The following TGFBRAP1 variants were observed in gnomAD, a reference collection of about 807,000 sequenced individuals.
TGFBRAP1 encodes transforming growth factor beta receptor associated protein 1.
TGFBRAP1 carries 20 observed loss-of-function variants against 83.2 expected under a neutral mutation model. The observed-to-expected ratio is 0.24, with a 90% confidence interval of 0.17 to 0.35. The LOEUF (loss-of-function observed/expected upper bound fraction) is 0.35, where lower values mean the gene tolerates loss of function less well. Ranked by LOEUF, TGFBRAP1 falls within the 10% of genes least tolerant of loss-of-function variation. The pLI, the probability that TGFBRAP1 is intolerant of heterozygous loss-of-function variation, is 1.00. For missense variants in TGFBRAP1, 950 were observed against 1,099.4 expected (o/e 0.86, Z 1.92); for synonymous variants, 415 against 459.8 (o/e 0.90, Z 1.25).
At chr2:105,318,534 A>G (rs1288036485) in intron 1 of TGFBRAP1, among the ~76,000 whole-genome samples, 3 of 152,250 alleles carry the variant, frequency 2.0e-5, no homozygotes, top group Non-Finnish European at 4.4e-5. Context: ...AAATAGAGAA[A>G]GAATCTGTTT....
the TGFBRAP1 span, among the ~76,000 whole-genome samples, chr2:105,255,236 A>G: frequency 6.6e-6 from 1 of 152,040 alleles, no homozygotes; most frequent in Non-Finnish European, 1.5e-5. Context: ...GCCCTTGCTG[A>G]CCCTAGAGGA....
At chr2:105,314,738 C>T (rs893061011) in intron 1 of TGFBRAP1, among the ~76,000 whole-genome samples, 3 of 151,678 alleles carry the variant, frequency 2.0e-5, no homozygotes, top group African/African-American at 7.3e-5. Context: ...CACCTGAGGT[C>T]AGGAGTTCGA....
intron 7 of TGFBRAP1, among the ~76,000 whole-genome samples, 172 bp from the exon 8 acceptor site, chr2:105,275,875 TAAAG>T (rs920716425): frequency 1.1e-3 from 170 of 151,814 alleles, no homozygotes; most frequent in African/African-American, 4.0e-3. Context: ...TTTGGAGAAA[TAAAG>T]AAATGTAAAA....
chr2:105,275,794 G>T, intron 7 of TGFBRAP1, 91 bp from the exon 8 acceptor site: 1 of 1,360,544 alleles, frequency 7.3e-7, no homozygotes, highest in Non-Finnish European at 9.8e-7. Flanking sequence ...AATGGCATAT[G>T]TTTACTTATT....
In TGFBRAP1 at chr2:105,267,433, C is replaced by T. The variant is rs139792932; in HGVS notation, c.2533G>A (p.Ala845Thr). 3.5e-5 allele frequency: 56 copies of T among 1,614,170 alleles called. No individual in the cohort carries two copies. In the African/African-American group the frequency reaches 4.1e-4, roughly 12 times the overall value. The change falls in exon 12 of 12, where the codon GCC becomes ACC. Residue 845 changes from alanine to threonine, a missense_variant. By Grantham distance (58) the Ala-to-Thr change is moderately conservative (BLOSUM62 0). Transcript: ENST00000393359. ...NGGLVHTHCA[A>T]SRHTNPSSSS... ...GAGCTGGGGTTTGTGTGTCTGCTGGCGGCACAGTGGGTGTGCACAAGACCA... is the reference window on the plus strand; with the variant it reads ...GAGCTGGGGTTTGTGTGTCTGCTGGTGGCACAGTGGGTGTGCACAAGACCA...
chr2:105,282,057 G>A (rs1677555692), intron 5 of TGFBRAP1, among the ~76,000 whole-genome samples: 1 of 152,186 alleles, frequency 6.6e-6, no homozygotes, highest in Non-Finnish European at 1.5e-5. Flanking sequence ...TCTGCTCATT[G>A]TTTAAGATCC....
In TGFBRAP1 at chr2:105,308,141, C is replaced by T. The variant is rs755111644; in HGVS notation, c.161G>A (p.Arg54Lys). ...CGTGGCTGGCCCAGCAGGCACTGGC[C>T]TCTCCTCCAACAGGAAGTGGTAGAC... ...CFVYHFLLEE[R>K]PVPAGPATFT... The change falls in exon 2 of 12, where the codon AGG (arginine) becomes AAG (lysine). Residue 54 changes from arginine to lysine, a missense_variant. Physicochemically the swap from Arg to Lys is conservative, Grantham distance 26. Coordinates refer to ENST00000393359, the MANE Select transcript of TGFBRAP1 (RefSeq NM_004257.6). 1.9e-6 allele frequency: 3 copies of T among 1,614,192 alleles called. No homozygotes were observed. Among genetic ancestry groups the T allele is most frequent in the Admixed American group, 3.3e-5 (2 of 60,026 alleles).
intron 2 of TGFBRAP1, among the ~76,000 whole-genome samples, chr2:105,302,538 TA>T (rs11302160): frequency 0.55 from 82,057 of 149,714 alleles, 22,821 homozygotes; most frequent in East Asian, 0.73. Flanking sequence ...GTATATTAAG[TA>T]AAAAAAAAAG....
chr2:105,323,504 CT>C (rs768681135), intron 1 of TGFBRAP1, among the ~76,000 whole-genome samples: 4 of 152,076 alleles, frequency 2.6e-5, no homozygotes, highest in Admixed American at 1.3e-4. Flanking sequence ...TGACTGGACA[CT>C]TTTTTTTGCA....
the TGFBRAP1 span, among the ~76,000 whole-genome samples, chr2:105,250,865 G>A: frequency 6.6e-6 from 1 of 152,326 alleles, no homozygotes; most frequent in Admixed American, 6.5e-5. Context: ...CGTGTTGGCC[G>A]GGCTGGTCTC....
At chr2:105,311,620 T>C (rs1678696656) in intron 1 of TGFBRAP1, among the ~76,000 whole-genome samples, 1 of 151,686 alleles carries the variant, frequency 6.6e-6, no homozygotes, top group Admixed American at 6.6e-5. Context: ...AAAAATTGGC[T>C]AGGAGTGGTG....
At chr2:105,314,309 GTT>G (rs1208037956) in intron 1 of TGFBRAP1, among the ~76,000 whole-genome samples, 4 of 145,456 alleles carry the variant, frequency 2.7e-5, no homozygotes, top group Non-Finnish European at 6.0e-5. Context: ...GGAGTGCAGT[GTT>G]GTGATCTCGG....
intron 6 of TGFBRAP1, among the ~76,000 whole-genome samples, chr2:105,279,803 C>T (rs1315707617): frequency 2.0e-5 from 3 of 152,000 alleles, no homozygotes; most frequent in Admixed American, 6.6e-5. Context: ...TTTGGGAGGC[C>T]GAGGCGAGCA....
intron 2 of TGFBRAP1, among the ~76,000 whole-genome samples, chr2:105,301,985 G>T (rs940516022): frequency 7.5e-6 from 1 of 133,712 alleles, no homozygotes; most frequent in African/African-American, 2.9e-5. Flanking sequence ...AGAGAAGTTG[G>T]TATCTCAAAC....
intron 1 of TGFBRAP1, among the ~76,000 whole-genome samples, chr2:105,321,168 ATTTT>A (rs1201390115): frequency 3.3e-5 from 5 of 150,152 alleles, no homozygotes; most frequent in Non-Finnish European, 3.0e-5. Flanking sequence ...TTATTTATTT[ATTTT>A]TTTTTTTTTT....
At chr2:105,305,934 C>T (rs1344763473) in intron 2 of TGFBRAP1, among the ~76,000 whole-genome samples, 1 of 152,058 alleles carries the variant, frequency 6.6e-6, no homozygotes, top group Non-Finnish European at 1.5e-5. Context: ...GGATTACAGG[C>T]GTGAGCCACC....
chr2:105,301,326 T>G (rs867541981), intron 2 of TGFBRAP1, among the ~76,000 whole-genome samples: 5 of 152,298 alleles, frequency 3.3e-5, no homozygotes, highest in South Asian at 4.1e-4. Context: ...GGCTCAGGCC[T>G]GTAAGCCCAG....
chr2:105,283,386 T>A (rs1050869781), intron 5 of TGFBRAP1, among the ~76,000 whole-genome samples: 2 of 152,178 alleles, frequency 1.3e-5, no homozygotes, highest in African/African-American at 4.8e-5. Flanking sequence ...ACGTGGCTGG[T>A]CATGGGCAGA....
At chr2:105,323,275 G>A (rs1679121514) in intron 1 of TGFBRAP1, among the ~76,000 whole-genome samples, 1 of 152,138 alleles carries the variant, frequency 6.6e-6, no homozygotes, top group Non-Finnish European at 1.5e-5. Flanking sequence ...GGGGCGGGGG[G>A]ATGTGCTGAC....
Sources: gnomAD v4.1 joint callset for allele counts (sites outside exome capture counted in the v4.1 genomes callset) on GRCh38, gnomAD v4.1.1 for gene constraint, MANE v1.5 for transcripts, NCBI Gene and HGNC (gene_info 2026-07-23, HGNC 2026-07-21) for gene names.